Variants in CRPPA observed in about 807,000 individuals in gnomAD.
CRPPA encodes the protein CDP-L-ribitol pyrophosphorylase A, also known as D-ribitol-5-phosphate cytidylyltransferase.
Under a neutral mutation model 52.0 loss-of-function variants are expected in CRPPA, and 43 were observed. That is an observed-to-expected ratio of 0.83 (90% CI 0.65 to 1.07). The LOEUF is 1.07. CRPPA is among the 50% of genes least tolerant of loss of function. CRPPA has a pLI of 0.00. For missense variants in CRPPA, 629 were observed against 551.7 expected (o/e 1.14, Z -1.40); for synonymous variants, 250 against 203.5 (o/e 1.23, Z -1.94).
intron 9 of CRPPA, among the ~76,000 whole-genome samples, chr7:16,092,527 G>A (rs1362304869): frequency 6.6e-6 from 1 of 152,012 alleles, no homozygotes; most frequent in Non-Finnish European, 1.5e-5. Flanking sequence ...CCTTCCTATT[G>A]TTTCTTGCAT....
chr7:16,371,524 G>A (rs1786748036), intron 3 of CRPPA, among the ~76,000 whole-genome samples: 1 of 150,476 alleles, frequency 6.6e-6, no homozygotes. Context: ...CCTTGAAAGG[G>A]GAAAAAAATA....
At chr7:16,163,499 C>G (rs943556212) in intron 9 of CRPPA, among the ~76,000 whole-genome samples, 1 of 152,126 alleles carries the variant, frequency 6.6e-6, no homozygotes, top group African/African-American at 2.4e-5. Context: ...TTAATTCAGG[C>G]ATTAATCCTG....
At chr7:16,392,489 T>A (rs1787471491) in intron 2 of CRPPA, among the ~76,000 whole-genome samples, 1 of 152,112 alleles carries the variant, frequency 6.6e-6, no homozygotes, top group South Asian at 2.1e-4. Flanking sequence ...ATTCCAAGCA[T>A]TATGCTTTGC....
Position 16,088,823 on chromosome 7 carries a change from A to C in CRPPA, c.*2872T>G, listed in dbSNP as rs542867720. ...TGCTGGGAAGGTGGCTGGAAAGCCA[A>C]AAGCTCCAGGACTTTCACCTAGTCC... On this transcript the variant is annotated 3_prime_UTR_variant, in exon 10 of 10. Transcript: ENST00000407010. The C allele has an allele frequency of 1.2e-5, 2 of 162,148 alleles. No homozygotes were observed. Among genetic ancestry groups the C allele is most frequent in the South Asian group, 3.2e-4 (2 of 6,196 alleles). The allele number at this position is 162,148 out of a possible 1,614,324, so 10.0% of individuals were successfully genotyped here.
At chr7:16,153,498 A>C (rs1368126943) in intron 9 of CRPPA, among the ~76,000 whole-genome samples, 1 of 152,282 alleles carries the variant, frequency 6.6e-6, no homozygotes, top group Non-Finnish European at 1.5e-5. Context: ...AATTTACTAT[A>C]TATTTTTAAT....
chr7:16,300,165 T>C (rs1395497919), intron 5 of CRPPA, among the ~76,000 whole-genome samples: 1 of 152,174 alleles, frequency 6.6e-6, no homozygotes, highest in African/African-American at 2.4e-5. Context: ...CATTAATAGT[T>C]TAAAACAACA....
intron 8 of CRPPA, among the ~76,000 whole-genome samples, chr7:16,236,950 GCACACACA>G (rs67679435): frequency 6.7e-6 from 1 of 149,584 alleles, no homozygotes; most frequent in African/African-American, 2.5e-5. Flanking sequence ...TCGTGCGCGC[GCACACACA>G]CACACACACA....
chr7:16,253,893 A>G (rs1057321147), intron 8 of CRPPA, among the ~76,000 whole-genome samples: 1 of 152,198 alleles, frequency 6.6e-6, no homozygotes, highest in Non-Finnish European at 1.5e-5. Flanking sequence ...ATTTACAAGA[A>G]AAAAACAAAC....
intron 9 of CRPPA, among the ~76,000 whole-genome samples, chr7:16,190,145 G>A (rs1023614355): frequency 2.6e-5 from 4 of 152,132 alleles, no homozygotes; most frequent in Non-Finnish European, 5.9e-5. Flanking sequence ...AGATTTACAA[G>A]TGTCAAGCCA....
At chr7:16,300,207 A>G (rs1486914024) in intron 5 of CRPPA, among the ~76,000 whole-genome samples, 1 of 152,232 alleles carries the variant, frequency 6.6e-6, no homozygotes, top group African/African-American at 2.4e-5. Context: ...TTGAGGGTAA[A>G]CAACAAATAC....
chr7:16,255,231 C>T (rs536185138), intron 8 of CRPPA, among the ~76,000 whole-genome samples: 1 of 152,226 alleles, frequency 6.6e-6, no homozygotes, highest in South Asian at 2.1e-4. Context: ...ATCCAACTTT[C>T]AAGGAATGTG....
intron 1 of CRPPA, among the ~76,000 whole-genome samples, chr7:16,407,625 T>C (rs952069768): frequency 6.6e-6 from 1 of 152,150 alleles, no homozygotes; most frequent in Non-Finnish European, 1.5e-5. Context: ...AAGTTAACAT[T>C]GGGTTGCCTC....
chr7:16,344,136 T>C (rs890934025), intron 3 of CRPPA, among the ~76,000 whole-genome samples: 6 of 152,102 alleles, frequency 3.9e-5, no homozygotes, highest in Non-Finnish European at 8.8e-5. Flanking sequence ...AGTTGTCATA[T>C]TGTGTTAATG....
intron 8 of CRPPA, 79 bp from the exon 9 acceptor site, chr7:16,216,276 A>C (rs937233410): frequency 6.8e-6 from 6 of 886,298 alleles, no homozygotes; most frequent in Non-Finnish European, 6.9e-6. Context: ...AAAGAAGCTC[A>C]AAACCCATAT....
chr7:16,396,580 G>C (rs947008274), intron 2 of CRPPA, among the ~76,000 whole-genome samples: 1 of 152,198 alleles, frequency 6.6e-6, no homozygotes, highest in Admixed American at 6.5e-5. Flanking sequence ...TGGGTATCCA[G>C]TCTGAGGAAA....
At chr7:16,300,205 AAAC>A (rs1184682847) in intron 5 of CRPPA, among the ~76,000 whole-genome samples, 1 of 152,236 alleles carries the variant, frequency 6.6e-6, no homozygotes, top group East Asian at 1.9e-4. Context: ...ACTTGAGGGT[AAAC>A]AACAAATACA....
At chr7:16,103,141 T>A (rs1433290353) in intron 9 of CRPPA, among the ~76,000 whole-genome samples, 2 of 152,112 alleles carry the variant, frequency 1.3e-5, no homozygotes, top group African/African-American at 2.4e-5. Flanking sequence ...AGAATGATAT[T>A]ATGTCCTTTG....
At chr7:16,393,427 C>A (rs1198365384) in intron 2 of CRPPA, among the ~76,000 whole-genome samples, 4 of 151,970 alleles carry the variant, frequency 2.6e-5, no homozygotes, top group African/African-American at 9.7e-5. Context: ...TCCCAACAGA[C>A]CCATGCTCAC....
At chr7:16,130,554 T>G (rs2128372705) in intron 9 of CRPPA, among the ~76,000 whole-genome samples, 1 of 152,230 alleles carries the variant, frequency 6.6e-6, no homozygotes, top group Non-Finnish European at 1.5e-5. Flanking sequence ...AAGAGTCAAC[T>G]CTGTAACACT....
Sources: allele counts gnomAD v4.1 joint callset (sites outside exome capture counted in the v4.1 genomes callset), GRCh38; gene constraint gnomAD v4.1.1; transcripts MANE v1.5; gene names NCBI Gene and HGNC (gene_info 2026-07-23, HGNC 2026-07-21).